IGF1R: variants seen among roughly 807,000 people sequenced by gnomAD.
IGF1R encodes insulin like growth factor 1 receptor.
Under a neutral mutation model 144.6 loss-of-function variants are expected in IGF1R, and 44 were observed. That is an observed-to-expected ratio of 0.30 (90% confidence interval 0.24 to 0.39). The LOEUF (loss-of-function observed/expected upper bound fraction) is 0.39, where lower values mean the gene tolerates loss of function less well. IGF1R is among the 10% of genes least tolerant of loss of function. The probability of loss-of-function intolerance (pLI) is 1.00; values close to 1 mark genes in which losing one functional copy is unlikely to be tolerated. For synonymous variants in IGF1R, 795 were observed against 722.8 expected, an observed-to-expected ratio of 1.10 and a Z score of -1.60; for missense variants, 1,355 against 1,833.7, an observed-to-expected ratio of 0.74 and a Z score of 4.77.
At chr15:98,761,729 A>G (rs1002419538) in intron 2 of IGF1R, among the ~76,000 whole-genome samples, 1 of 152,246 alleles carries the variant, frequency 6.6e-6, no homozygotes, top group Non-Finnish European at 1.5e-5. Context: ...CTGCCAGGAC[A>G]GTCTTTGCCT....
chr15:98,662,304 C>G (rs1206701921), intron 1 of IGF1R, among the ~76,000 whole-genome samples: 5 of 152,004 alleles, frequency 3.3e-5, no homozygotes, highest in South Asian at 2.1e-4. Flanking sequence ...TTTTGCACAT[C>G]TACAGTGAAA....
chr15:98,792,475 CTATT>C lies in IGF1R; in HGVS notation c.640+84374_640+84377del, dbSNP rs577103616. 4.1e-4 allele frequency among the ~76,000 whole-genome samples: 63 copies of C among 152,210 alleles called. 1 individual carries two copies. Among genetic ancestry groups the C allele is most frequent in the African/African-American group, 1.3e-3 (55 of 41,510 alleles). On this transcript the variant is annotated intron_variant, in intron 2 of 20. Transcript: ENST00000650285. Reference sequence around the variant, plus strand: ...TAAAGTGTGCCTTTTGATTTGATACCTATTTATTTGTTTGGAAAGAAGCTTTTAA... The same window carrying C: ...TAAAGTGTGCCTTTTGATTTGATACCTATTTGTTTGGAAAGAAGCTTTTAA...
intron 1 of IGF1R, among the ~76,000 whole-genome samples, chr15:98,665,760 G>A (rs769839191): frequency 9.9e-5 from 15 of 152,238 alleles, no homozygotes; most frequent in Non-Finnish European, 7.3e-5. Flanking sequence ...AACAGGAGAA[G>A]GCTTCAGTCA....
chr15:98,720,944 G>A (rs1447970112), intron 2 of IGF1R, among the ~76,000 whole-genome samples: 11 of 152,148 alleles, frequency 7.2e-5, no homozygotes, highest in Admixed American at 7.2e-4. Context: ...CTTCTTCTAT[G>A]ATGCTGCTGA....
intron 2 of IGF1R, among the ~76,000 whole-genome samples, chr15:98,720,667 G>A (rs577419919): frequency 6.6e-6 from 1 of 152,332 alleles, no homozygotes; most frequent in Non-Finnish European, 1.5e-5. Flanking sequence ...AGTGGTTAGG[G>A]AAGGAGTTGA....
At chr15:98,711,097 C>T (rs2053981160) in intron 2 of IGF1R, among the ~76,000 whole-genome samples, 2 of 152,118 alleles carry the variant, frequency 1.3e-5, no homozygotes, top group Non-Finnish European at 2.9e-5. Flanking sequence ...ATCTTTTTGG[C>T]TGAGTCGTCA....
intron 2 of IGF1R, among the ~76,000 whole-genome samples, chr15:98,829,018 T>G (rs2056952824): frequency 6.6e-6 from 1 of 152,182 alleles, no homozygotes; most frequent in Non-Finnish European, 1.5e-5. Flanking sequence ...TTATTCTAAT[T>G]CATTAAAAAA....
chr15:98,690,434 T>G (rs1031380707), intron 1 of IGF1R, among the ~76,000 whole-genome samples: 2 of 152,220 alleles, frequency 1.3e-5, no homozygotes, highest in African/African-American at 2.4e-5. Context: ...CTCTGACTCT[T>G]CCTTCTTCCC....
chr15:98,725,902 A>G (rs369316013), intron 2 of IGF1R, among the ~76,000 whole-genome samples: 3 of 152,232 alleles, frequency 2.0e-5, no homozygotes, highest in Admixed American at 1.3e-4. Flanking sequence ...CTTATTCACT[A>G]TCATGAGAAT....
intron 2 of IGF1R, chr15:98,873,878 G>A (rs1814592316): frequency 6.6e-6 from 1 of 152,226 alleles, no homozygotes; most frequent in South Asian, 2.1e-4. Context: ...AAATGAATAA[G>A]TGGCATTTTT....
chr15:98,772,691 T>C (rs1395228374), intron 2 of IGF1R, among the ~76,000 whole-genome samples: 2 of 151,430 alleles, frequency 1.3e-5, no homozygotes, highest in African/African-American at 4.9e-5. Flanking sequence ...TTTTTACTTT[T>C]GAAGAGGTGA....
intron 3 of IGF1R, among the ~76,000 whole-genome samples, chr15:98,892,021 G>A (rs1417019094): frequency 2.6e-5 from 4 of 152,132 alleles, no homozygotes; most frequent in Non-Finnish European, 5.9e-5. Flanking sequence ...TGAGGCTTTG[G>A]AAGTGCAAAA....
chr15:98,844,407 T>A (rs2011237583), intron 2 of IGF1R, among the ~76,000 whole-genome samples: 1 of 152,224 alleles, frequency 6.6e-6, no homozygotes, highest in South Asian at 2.1e-4. Context: ...ACCCTGAAGA[T>A]GTTTTTATAG....
chr15:98,758,596 T>C (rs1764905552), intron 2 of IGF1R, among the ~76,000 whole-genome samples: 1 of 152,230 alleles, frequency 6.6e-6, no homozygotes, highest in South Asian at 2.1e-4. Context: ...CCCTTCCCTC[T>C]GGTTTCACCT....
chr15:98,875,349 C>CTT (rs34303390), intron 2 of IGF1R, among the ~76,000 whole-genome samples: 1,432 of 130,196 alleles, frequency 0.011, 20 homozygotes, highest in African/African-American at 0.027. Flanking sequence ...CTTTTCTTTT[C>CTT]TTTTTTTTTT....
At chr15:98,896,413 A>G (rs989228887) in intron 3 of IGF1R, among the ~76,000 whole-genome samples, 2 of 152,110 alleles carry the variant, frequency 1.3e-5, no homozygotes, top group African/African-American at 4.8e-5. Context: ...GAACCCCCCA[A>G]GCTTCCTTTC....
intron 1 of IGF1R, among the ~76,000 whole-genome samples, chr15:98,654,049 T>G (rs187303775): frequency 8.5e-5 from 13 of 152,362 alleles, no homozygotes; most frequent in Admixed American, 2.0e-4. Flanking sequence ...ATTCAGATTT[T>G]TTTTCAGACT....
chr15:98,659,218 G>C (rs187582671), intron 1 of IGF1R, among the ~76,000 whole-genome samples: 30 of 152,198 alleles, frequency 2.0e-4, no homozygotes, highest in Admixed American at 9.1e-4. Context: ...AAGATGGCAT[G>C]TTGCTTATTA....
At chr15:98,853,392 C>CG (rs1324808047) in intron 2 of IGF1R, among the ~76,000 whole-genome samples, 9 of 152,106 alleles carry the variant, frequency 5.9e-5, no homozygotes, top group Admixed American at 5.9e-4. Flanking sequence ...TTGCGTGGCC[C>CG]GGAGCAGCTC....
Sources: gnomAD v4.1 joint callset for allele counts (sites outside exome capture counted in the v4.1 genomes callset) on GRCh38, gnomAD v4.1.1 for gene constraint, MANE v1.5 for transcripts, NCBI Gene and HGNC (gene_info 2026-07-23, HGNC 2026-07-21) for gene names.